Variants in ODF2L observed in about 807,000 individuals in gnomAD.
ODF2L encodes protein BCAP.
Under a neutral mutation model 86.3 loss-of-function variants are expected in ODF2L, and 76 were observed. The ratio of observed to expected loss-of-function variants is 0.88; its 90% CI spans 0.73 to 1.07. ODF2L has a LOEUF of 1.07. Ranked by LOEUF, ODF2L falls within the 50% of genes least tolerant of loss-of-function variation. ODF2L has a pLI of 0.00. For missense variants in ODF2L, 748 were observed against 717.4 expected, an observed-to-expected ratio of 1.04 and a Z score of -0.49; for synonymous variants, 241 against 231.3, an observed-to-expected ratio of 1.04 and a Z score of -0.38.
At chr1:86,352,088 T>G in exon 18 of ODF2L, 1 of 1,404,422 alleles carries the variant, frequency 7.1e-7, no homozygotes, top group Admixed American at 3.3e-5. Flanking sequence ...TCATGAAACT[T>G]TTGATGGCAA....
At chr1:86,393,605 G>C (rs1043322760) in intron 1 of ODF2L, among the ~76,000 whole-genome samples, 8 of 152,316 alleles carry the variant, frequency 5.3e-5, no homozygotes, top group Non-Finnish European at 2.9e-5. Context: ...CAGCAAGAGT[G>C]ACTGTTCTGT....
chr1:86,350,941 G>C (rs2100682233), exon 18 of ODF2L: 1 of 151,532 alleles, frequency 6.6e-6, no homozygotes, highest in East Asian at 1.9e-4. Context: ...CTTTTTGATG[G>C]GGTTTTTTTT....
chr1:86,378,116 G>T, intron 7 of ODF2L, among the ~76,000 whole-genome samples: 1 of 152,098 alleles, frequency 6.6e-6, no homozygotes. Context: ...TTTCTGATTA[G>T]AAATTTCTTC....
intron 13 of ODF2L, among the ~76,000 whole-genome samples, chr1:86,357,383 T>C (rs1251787628): frequency 1.3e-5 from 2 of 151,492 alleles, no homozygotes; most frequent in Non-Finnish European, 2.9e-5. Context: ...AAATCCAGAT[T>C]ATATTTGGAA....
At chr1:86,354,458 G>T in intron 16 of ODF2L, 72 bp downstream of exon 15, 1 of 955,976 alleles carries the variant, frequency 1.0e-6, no homozygotes. Flanking sequence ...ATAACTACAG[G>T]TTGCAAGATG....
At chr1:86,350,715 C>G (rs1470335358) in exon 18 of ODF2L, 1 of 150,256 alleles carries the variant, frequency 6.7e-6, no homozygotes, top group Non-Finnish European at 1.5e-5. Flanking sequence ...TACACTCCCA[C>G]CAACAGTGTA....
intron 11 of ODF2L, among the ~76,000 whole-genome samples, chr1:86,362,206 T>C (rs572373820): frequency 6.6e-6 from 1 of 151,800 alleles, no homozygotes; most frequent in East Asian, 1.9e-4. Flanking sequence ...TAATGCCTTG[T>C]AGGTATTTAC....
chr1:86,380,624 A>C (rs1256256043), intron 7 of ODF2L, among the ~76,000 whole-genome samples: 1 of 152,154 alleles, frequency 6.6e-6, no homozygotes, highest in Non-Finnish European at 1.5e-5. Context: ...GAAATGACAA[A>C]TTATTTTTAT....
chr1:86,374,987 T>TAA (rs1660070041), intron 8 of ODF2L: 1 of 152,002 alleles, frequency 6.6e-6, no homozygotes, highest in Non-Finnish European at 1.5e-5. Context: ...AGGAAACAGT[T>TAA]AAAAATAAAA....
chr1:86,354,313 C>G (rs1454307471), intron 16 of ODF2L, among the ~76,000 whole-genome samples: 2 of 152,174 alleles, frequency 1.3e-5, no homozygotes, highest in African/African-American at 2.4e-5. Context: ...CATCTCTGCC[C>G]TTTCCCCAGC....
In ODF2L at chr1:86,352,049, G is replaced by T. The variant is rs1658173672; in HGVS notation, c.*142C>A. On this transcript the variant is annotated 3_prime_UTR_variant, in exon 18 of 18. Transcript: ENST00000317336. ...ATGGAAGGCCTGTGCTAAATTAAAG[G>T]TGATCGACGTTTTGTTCTGACTAAG... is the stretch of plus-strand genomic sequence containing the variant. 4 of 1,318,974 alleles carry T rather than the reference G, an allele frequency of 3.0e-6. No individual in the cohort carries two copies. The South Asian group carries it at 9.9e-5, about 33-fold the overall frequency. The allele number at this position is 1,318,974 out of a possible 1,614,324, so 81.7% of individuals were successfully genotyped here. A position where few individuals can be genotyped will look rare whatever the true frequency, so the allele number is the denominator to read the frequency against.
At chr1:86,359,956 T>C (rs175363) in intron 12 of ODF2L, among the ~76,000 whole-genome samples, 49,072 of 152,072 alleles carry the variant, frequency 0.32, 8,084 homozygotes, top group African/African-American at 0.39. Context: ...TAAATTACCA[T>C]TGAACACATG....
At chr1:86,354,655 C>G (rs1209016018) in exon 16 of ODF2L, 1 of 1,612,178 alleles carries the variant, frequency 6.2e-7, no homozygotes, top group Non-Finnish European at 8.5e-7. Flanking sequence ...AGCTTCTTCT[C>G]AAGCTCTTTA....
At chr1:86,388,051 A>G (rs1661066117) in intron 1 of ODF2L, among the ~76,000 whole-genome samples, 1 of 152,080 alleles carries the variant, frequency 6.6e-6, no homozygotes. Context: ...TGAATGTTCT[A>G]TATACTATAG....
intron 7 of ODF2L, among the ~76,000 whole-genome samples, chr1:86,381,023 T>C (rs1374315503): frequency 6.6e-6 from 1 of 151,018 alleles, no homozygotes; most frequent in Non-Finnish European, 1.5e-5. Context: ...AAGAACTAAA[T>C]TCTGAACCCC....
intron 2 of ODF2L, chr1:86,386,331 A>G (rs1570432790): frequency 6.6e-6 from 1 of 152,176 alleles, no homozygotes; most frequent in Non-Finnish European, 1.5e-5. Flanking sequence ...TTTATCTTAA[A>G]TAGCTTTATT....
rs1259064341 is a variant in ODF2L, at chr1:86,368,698, CA to C, written c.1080del (p.Glu361SerfsTer5). 2 of 1,444,756 alleles carry C rather than the reference CA, an allele frequency of 1.4e-6. No homozygotes were observed. 89.5% of individuals were successfully genotyped at this position (1,444,756 alleles called of 1,614,324 possible). ...ATCAAAATGTTCATATTCTTTGACT[CA>C]GTAATTCTACATGGGAATCTAAGCT... On this transcript the variant is annotated frameshift_variant, in exon 11 of 18. Coordinates refer to ENST00000317336, the Ensembl canonical transcript of ODF2L. LOFTEE classifies it high-confidence loss of function.
intron 10 of ODF2L, among the ~76,000 whole-genome samples, chr1:86,369,212 C>T (rs1024685809): frequency 2.6e-5 from 4 of 151,966 alleles, no homozygotes; most frequent in Admixed American, 2.0e-4. Flanking sequence ...CCATAAAGGA[C>T]TTACAAAATT....
chr1:86,370,712 C>T (rs1659735104), intron 10 of ODF2L, among the ~76,000 whole-genome samples: 1 of 152,070 alleles, frequency 6.6e-6, no homozygotes, highest in African/African-American at 2.4e-5. Flanking sequence ...ACAGACCAGG[C>T]CTGAGGTTAT....
Sources: allele counts gnomAD v4.1 joint callset (sites outside exome capture counted in the v4.1 genomes callset), GRCh38; gene constraint gnomAD v4.1.1; transcripts MANE v1.5; gene names NCBI Gene and HGNC (gene_info 2026-07-23, HGNC 2026-07-21).